The following KLHL6 variants were observed in gnomAD, a reference collection of about 807,000 sequenced individuals.
KLHL6 encodes kelch-like protein 6.
In KLHL6, 41 loss-of-function variants were observed where a neutral mutation model predicts 58.6. The observed-to-expected ratio is 0.70, with a 90% CI of 0.55 to 0.91. The LOEUF (loss-of-function observed/expected upper bound fraction) is 0.91, where lower values mean the gene tolerates loss of function less well. Among genes scored for constraint, KLHL6 ranks in the 40% least tolerant of loss-of-function variants. The pLI, the probability that KLHL6 is intolerant of heterozygous loss-of-function variation, is 0.00. For missense variants in KLHL6, 714 were observed against 805.6 expected (o/e 0.89, Z 1.38); for synonymous variants, 338 against 322.7 (o/e 1.05, Z -0.51).
At chr3:183,553,162 T>C (rs956713444) in intron 1 of KLHL6, among the ~76,000 whole-genome samples, 1 of 152,164 alleles carries the variant, frequency 6.6e-6, no homozygotes, top group Non-Finnish European at 1.5e-5. Context: ...AAGAGAAGAA[T>C]TGAAGGAATT....
intron 3 of KLHL6, among the ~76,000 whole-genome samples, chr3:183,503,293 G>A (rs1717920603): frequency 6.6e-6 from 1 of 152,208 alleles, no homozygotes; most frequent in African/African-American, 2.4e-5. Flanking sequence ...AGTAATGTTT[G>A]GTATAGATCA....
At chr3:183,548,794 A>G (rs1259761676) in intron 1 of KLHL6, 2 of 151,954 alleles carry the variant, frequency 1.3e-5, no homozygotes, top group African/African-American at 4.9e-5. Context: ...GAACATATAC[A>G]CCATGGAATA....
At chr3:183,539,566 C>T (rs1011703810) in intron 1 of KLHL6, among the ~76,000 whole-genome samples, 6 of 151,804 alleles carry the variant, frequency 4.0e-5, no homozygotes, top group African/African-American at 9.7e-5. Flanking sequence ...AAAATTAGCT[C>T]GGTGTGGTGG....
intron 2 of KLHL6, among the ~76,000 whole-genome samples, chr3:183,524,708 C>A (rs1470535418): frequency 6.6e-6 from 1 of 152,148 alleles, no homozygotes. Context: ...TGGTGGGTAA[C>A]AGGAAGACAC....
At chr3:183,496,831 A>G (rs1474147000) in intron 4 of KLHL6, among the ~76,000 whole-genome samples, 1 of 152,244 alleles carries the variant, frequency 6.6e-6, no homozygotes, top group African/African-American at 2.4e-5. Context: ...TGAACAACAA[A>G]TTTATGACAA....
rs1168922193 is a variant in KLHL6 at position 183,499,459 on chromosome 3, T to C, written c.1147+131A>G. The C allele has an allele frequency of 3.1e-6, 2 of 652,936 alleles. No homozygotes were observed. The highest frequency in any genetic ancestry group is 2.7e-5 in the Admixed American group (1 of 36,772). 40.4% of individuals were successfully genotyped at this position (652,936 alleles called of 1,614,324 possible). A position where few individuals can be genotyped will look rare whatever the true frequency, so the allele number is the denominator to read the frequency against. On this transcript the variant is annotated intron_variant, in intron 4 of 6. Coordinates refer to ENST00000341319, the MANE Select transcript of KLHL6 (RefSeq NM_130446.4). This position sits in a 1 kb window ranked among gnomAD's most constrained non-coding sequence, Gnocchi z 4.6. ...AAGACCACCTGAGCTCCTGGGTCCA[T>C]ATCCTGTCTCAGTCAGAGCCGGATC...
intron 1 of KLHL6, among the ~76,000 whole-genome samples, chr3:183,534,078 A>ACAAGTACTTTACTTTT (rs1712251383): frequency 7.3e-6 from 1 of 136,380 alleles, no homozygotes; most frequent in African/African-American, 2.7e-5. Context: ...ACCAGCCTTT[A>ACAAGTACTTTACTTTT]AAAGTACTTT....
chr3:183,488,336 G>A lies in KLHL6; in HGVS notation c.*3591C>T, dbSNP rs1385396172. ...AAATGCTGGGCCTGCTCTAACTTGT[G>A]CCTCTGCTCTAAGAAGGGGATTCCT... On this transcript the variant is annotated 3_prime_UTR_variant, in exon 7 of 7. Coordinates refer to ENST00000341319, the MANE Select transcript of KLHL6 (RefSeq NM_130446.4). 6.6e-6 allele frequency: 1 copy of A among 152,256 alleles called. No homozygotes were observed. The highest frequency in any genetic ancestry group is 1.5e-5 in the Non-Finnish European group (1 of 68,084). 9.4% of individuals were successfully genotyped at this position (152,256 alleles called of 1,614,324 possible).
At chr3:183,529,140 C>G (rs766394393) in intron 1 of KLHL6, among the ~76,000 whole-genome samples, 1 of 152,014 alleles carries the variant, frequency 6.6e-6, no homozygotes, top group Non-Finnish European at 1.5e-5. Flanking sequence ...CACACTGAGG[C>G]CTACCGGAGG....
At chr3:183,527,813 G>T (rs369209682) in intron 2 of KLHL6, 32 bp downstream of exon 2, 4 of 1,610,394 alleles carry the variant, frequency 2.5e-6, no homozygotes, top group Admixed American at 1.7e-5. Flanking sequence ...ACCTGCTTCA[G>T]AGAAGAGCAC....
At chr3:183,495,087 A>G (rs2108663884) in intron 4 of KLHL6, among the ~76,000 whole-genome samples, 1 of 152,358 alleles carries the variant, frequency 6.6e-6, no homozygotes, top group East Asian at 1.9e-4. Context: ...GCAAAGATTT[A>G]CTTTTCAGAC....
At chr3:183,535,835 G>A (rs1712345680) in intron 1 of KLHL6, among the ~76,000 whole-genome samples, 1 of 152,182 alleles carries the variant, frequency 6.6e-6, no homozygotes, top group South Asian at 2.1e-4. Context: ...GAGTGCAGTG[G>A]CACAATCTCT....
intron 1 of KLHL6, among the ~76,000 whole-genome samples, chr3:183,536,886 G>A (rs925915700): frequency 1.3e-5 from 2 of 152,154 alleles, no homozygotes; most frequent in Non-Finnish European, 2.9e-5. Flanking sequence ...TAGGGCCAGC[G>A]CTGTGCACGA....
chr3:183,535,373 T>C (rs1280597499), intron 1 of KLHL6, among the ~76,000 whole-genome samples: 1 of 152,220 alleles, frequency 6.6e-6, no homozygotes, highest in Non-Finnish European at 1.5e-5. Flanking sequence ...ACTCAGGTGT[T>C]GGGGTCACCC....
intron 1 of KLHL6, among the ~76,000 whole-genome samples, chr3:183,552,776 C>T (rs1286460248): frequency 6.6e-6 from 1 of 151,256 alleles, no homozygotes; most frequent in African/African-American, 2.4e-5. Flanking sequence ...TCTTTGACCT[C>T]CCTAAACCTG....
At position 183,491,841 on chromosome 3, in the gene KLHL6, G is replaced by T; in HGVS notation, c.*86C>A. On this transcript the variant is annotated 3_prime_UTR_variant, in exon 7 of 7. Transcript: ENST00000341319. ...GATGTATGGCCTCAAACTCGAGCCT[G>T]CTGCCTGAAGTGGGACTGGAGGAGG... 1.6e-6 allele frequency: 2 copies of T among 1,237,776 alleles called. No homozygotes were observed. The highest frequency in any genetic ancestry group is 1.1e-6 in the Non-Finnish European group (1 of 925,512). The allele number at this position is 1,237,776 out of a possible 1,614,324, so 76.7% of individuals were successfully genotyped here. A position where few individuals can be genotyped will look rare whatever the true frequency, so the allele number is the denominator to read the frequency against.
At chr3:183,507,461 T>C (rs892769599) in intron 3 of KLHL6, among the ~76,000 whole-genome samples, 10 of 152,118 alleles carry the variant, frequency 6.6e-5, no homozygotes, top group African/African-American at 2.4e-4. Context: ...AGACAGAGTC[T>C]CCCTCTGTTG....
rs1577186516 is a variant in KLHL6, at chr3:183,514,446, G to A, written c.460-5938C>T. On this transcript the variant is annotated intron_variant, in intron 2 of 6. Coordinates refer to ENST00000341319, the MANE Select transcript of KLHL6 (RefSeq NM_130446.4). ...CCACGCTCCTGCCATCTCTCGGCCT[G>A]AGCTGCCTTTCCTCATCATCACCAT... Among the ~76,000 whole-genome samples the A allele has an allele frequency of 2.0e-5, 3 of 152,092 alleles. No homozygotes were observed. In the South Asian group the frequency reaches 6.2e-4, roughly 32 times the overall value.
intron 3 of KLHL6, among the ~76,000 whole-genome samples, chr3:183,503,034 G>A (rs1720102474): frequency 6.6e-6 from 1 of 152,200 alleles, no homozygotes; most frequent in Non-Finnish European, 1.5e-5. Flanking sequence ...CATGACAAAT[G>A]TCAATCTGAA....
Sources: gnomAD v4.1 joint callset for allele counts (sites outside exome capture counted in the v4.1 genomes callset) on GRCh38, gnomAD v4.1.1 for gene constraint, Gnocchi (gnomAD v3.1) non-coding constraint, MANE v1.5 for transcripts, NCBI Gene and HGNC (gene_info 2026-07-23, HGNC 2026-07-21) for gene names.